FAM20A: variants seen among roughly 807,000 people sequenced by gnomAD.
FAM20A encodes the protein pseudokinase FAM20A.
Under a neutral mutation model 52.0 loss-of-function variants are expected in FAM20A, and 42 were observed. That is an observed-to-expected ratio of 0.81 (90% CI 0.63 to 1.04). The LOEUF is 1.04. Ranked by LOEUF, FAM20A falls within the 50% of genes least tolerant of loss-of-function variation. The pLI is 0.00. For synonymous variants in FAM20A, 304 were observed against 298.9 expected (o/e 1.02, Z -0.18); for missense variants, 742 against 712.7 (o/e 1.04, Z -0.47).
chr17:68,594,322 C>A (rs2088390739), intron 1 of FAM20A, among the ~76,000 whole-genome samples: 1 of 151,808 alleles, frequency 6.6e-6, no homozygotes, highest in East Asian at 1.9e-4. Flanking sequence ...TGGCGTGAAC[C>A]CGGGAGGCGG....
chr17:68,596,219 A>C (rs151259853), intron 1 of FAM20A, among the ~76,000 whole-genome samples: 250 of 152,176 alleles, frequency 1.6e-3, no homozygotes, highest in African/African-American at 5.9e-3. Context: ...ACACACACAC[A>C]CACCCCTAAG....
chr17:68,546,556 C>T (rs1014129112), intron 4 of FAM20A, among the ~76,000 whole-genome samples: 11 of 151,978 alleles, frequency 7.2e-5, no homozygotes, highest in East Asian at 3.8e-4. Context: ...CTTGGCTGGG[C>T]GTGGTGGCTC....
At chr17:68,560,680 C>T (rs1031317668) in intron 1 of FAM20A, among the ~76,000 whole-genome samples, 3 of 152,232 alleles carry the variant, frequency 2.0e-5, no homozygotes, top group South Asian at 2.1e-4. Flanking sequence ...GAGAGTGTAT[C>T]GGTATGATAA....
chr17:68,591,837 C>T (rs529566923), intron 1 of FAM20A: 1 of 152,350 alleles, frequency 6.6e-6, no homozygotes, highest in Non-Finnish European at 1.5e-5. Context: ...GTCTGTGAGG[C>T]GGGAAATTTG....
intron 8 of FAM20A, among the ~76,000 whole-genome samples, 198 bp from the exon 9 acceptor site, chr17:68,540,164 AC>A (rs1042181968): frequency 6.6e-6 from 1 of 151,950 alleles, no homozygotes; most frequent in Non-Finnish European, 1.5e-5. Context: ...AAACAAGCAA[AC>A]CCTAAATGGA....
intron 1 of FAM20A, among the ~76,000 whole-genome samples, chr17:68,581,421 TC>T (rs1351741955): frequency 2.5e-3 from 241 of 96,444 alleles, no homozygotes; most frequent in African/African-American, 9.6e-3. Flanking sequence ...TTTCTTTTTC[TC>T]TTTTCTTTCT....
At chr17:68,581,400 TTCTTTC>T (rs1363836730) in intron 1 of FAM20A, among the ~76,000 whole-genome samples, 7 of 147,682 alleles carry the variant, frequency 4.7e-5, no homozygotes, top group African/African-American at 5.1e-5. Flanking sequence ...CTTTCTTTCT[TTCTTTC>T]TTTCTTTCTT....
intron 1 of FAM20A, chr17:68,591,719 C>T (rs1038367663): frequency 1.4e-5 from 2 of 146,174 alleles, no homozygotes; most frequent in Admixed American, 6.9e-5. Context: ...ATCACGCCGA[C>T]CTGCGCCTGC....
chr17:68,576,609 G>A (rs1383151309), intron 1 of FAM20A, among the ~76,000 whole-genome samples: 1 of 152,198 alleles, frequency 6.6e-6, no homozygotes, highest in Non-Finnish European at 1.5e-5. Flanking sequence ...TCTGGGCAGG[G>A]AGATCCTCGC....
chr17:68,569,239 C>T (rs1489779596), intron 1 of FAM20A, among the ~76,000 whole-genome samples: 1 of 152,076 alleles, frequency 6.6e-6, no homozygotes, highest in African/African-American at 2.4e-5. Context: ...TCTCCCTTCC[C>T]AAAATGTCCC....
intron 1 of FAM20A, among the ~76,000 whole-genome samples, chr17:68,579,331 G>A (rs2087876837): frequency 6.6e-6 from 1 of 152,070 alleles, no homozygotes; most frequent in African/African-American, 2.4e-5. Context: ...ACCAGGTGAT[G>A]GAACATGGAC....
At chr17:68,579,123 G>A (rs995028218) in intron 1 of FAM20A, among the ~76,000 whole-genome samples, 1 of 152,082 alleles carries the variant, frequency 6.6e-6, no homozygotes, top group Non-Finnish European at 1.5e-5. Context: ...GGGGAAGCAT[G>A]AAGAGACTCC....
At chr17:68,551,227 A>G (rs1264086045) in intron 4 of FAM20A, 1 of 897,408 alleles carries the variant, frequency 1.1e-6, no homozygotes, top group Non-Finnish European at 1.5e-6. Context: ...GACTCAATAC[A>G]TATTATTTCA....
chr17:68,594,275 T>C (rs1043576147), intron 1 of FAM20A, among the ~76,000 whole-genome samples: 1 of 151,552 alleles, frequency 6.6e-6, no homozygotes, highest in African/African-American at 2.4e-5. Flanking sequence ...GGCGGGCGCC[T>C]GTAGTCCCAG....
In FAM20A at chr17:68,600,154, G is replaced by A. The variant is rs2088572493; in HGVS notation, c.404+109C>T. 5.4e-6 allele frequency: 7 copies of A among 1,307,884 alleles called. No individual in the cohort carries two copies. The East Asian group carries it at 1.8e-4, about 33-fold the overall frequency. The allele number at this position is 1,307,884 out of a possible 1,614,324, so 81.0% of individuals were successfully genotyped here. ...CCCAGCGCCAGGGCTGGAGCCGTGG[G>A]TGGAGCCGCTGCAGCCCTGGGCCGG... On this transcript the variant is annotated intron_variant, in intron 1 of 10. Coordinates refer to ENST00000592554, the MANE Select transcript of FAM20A (RefSeq NM_017565.4). The surrounding 1 kb of genome is among the most constrained non-coding windows in gnomAD (Gnocchi z 6.2).
intron 2 of FAM20A, among the ~76,000 whole-genome samples, 183 bp downstream of exon 2, chr17:68,555,376 T>C (rs1404224438): frequency 1.3e-5 from 2 of 152,110 alleles, no homozygotes; most frequent in East Asian, 1.9e-4. Context: ...CCTTATGGGG[T>C]CAGGATGAGA....
rs35871101 is a variant in FAM20A, at chr17:68,542,082, C to T, written c.1012G>A (p.Gly338Ser). ...AVCGNPHLLE[G>S]SLSAFLPSLN... The stretch of plus-strand genomic sequence containing the variant: ...GACGGCAGGAAGGCAGAGAGGGAAC[C>T]CTCCAGCAGGTGTGGGTTGCCACAG... The change falls in exon 7 of 11, where the codon GGT (glycine) becomes AGT (serine). Residue 338 changes from glycine to serine, a missense_variant. Physicochemically the swap from Gly to Ser is moderately conservative, Grantham distance 56. Coordinates refer to ENST00000592554, the MANE Select transcript of FAM20A (RefSeq NM_017565.4). 6.1e-4 allele frequency: 987 copies of T among 1,613,948 alleles called. No individual in the cohort carries two copies. The highest frequency in any genetic ancestry group is 7.6e-4 in the Non-Finnish European group (902 of 1,179,880).
At chr17:68,586,058 C>A (rs1003173785) in intron 1 of FAM20A, among the ~76,000 whole-genome samples, 1 of 152,200 alleles carries the variant, frequency 6.6e-6, no homozygotes, top group Non-Finnish European at 1.5e-5. Context: ...CTCCTCCCCA[C>A]CAAGCAGGGC....
At chr17:68,552,934 G>A (rs2086911826) in intron 3 of FAM20A, among the ~76,000 whole-genome samples, 1 of 144,148 alleles carries the variant, frequency 6.9e-6, no homozygotes. Context: ...ACCCGCCTCG[G>A]CCTCCCAAAG....
Sources: allele counts gnomAD v4.1 joint callset (sites outside exome capture counted in the v4.1 genomes callset), GRCh38; gene constraint gnomAD v4.1.1; non-coding constraint Gnocchi (gnomAD v3.1); transcripts MANE v1.5; gene names NCBI Gene and HGNC (gene_info 2026-07-23, HGNC 2026-07-21).